P2RY14: variants seen among roughly 807,000 people sequenced by gnomAD.
The protein encoded by P2RY14 is P2Y purinoceptor 14.
Under a neutral mutation model 0.9 loss-of-function variants are expected in P2RY14, and 2 were observed. The observed-to-expected ratio is 2.16, with a 90% CI of 0.88 to 6.79. The LOEUF is 6.79. P2RY14 is among the 30% of genes most tolerant of loss of function. The pLI, the probability that P2RY14 is intolerant of heterozygous loss-of-function variation, is 0.05. For synonymous variants in P2RY14, 158 were observed against 147.2 expected, an observed-to-expected ratio of 1.07 and a Z score of -0.53; for missense variants, 378 against 400.1, an observed-to-expected ratio of 0.94 and a Z score of 0.47.
rs1728917700 is a variant in P2RY14, at chr3:151,219,576, T to C, written c.-66A>G. ...TGCATAATATGAGGTCTCTTTTCAG[T>C]GAAGGTGTTTTGCCCAGTGAGCGTT... On this transcript the variant is annotated 5_prime_UTR_variant, in exon 2 of 3. Coordinates refer to ENST00000309170, the MANE Select transcript of P2RY14 (RefSeq NM_014879.4). 1 of 152,186 alleles carries C rather than the reference T, an allele frequency of 6.6e-6. No individual in the cohort carries two copies. Among genetic ancestry groups the C allele is most frequent in the Non-Finnish European group, 1.5e-5 (1 of 68,030 alleles). The allele number at this position is 152,186 out of a possible 1,614,324, so 9.4% of individuals were successfully genotyped here.
intron 1 of P2RY14, among the ~76,000 whole-genome samples, chr3:151,236,707 T>G (rs1364715266): frequency 6.6e-6 from 1 of 152,262 alleles, no homozygotes; most frequent in African/African-American, 2.4e-5. Context: ...ATTTTAAAAC[T>G]GTATGTAATC....
At chr3:151,219,890 T>TCC (rs1728979537) in intron 1 of P2RY14, among the ~76,000 whole-genome samples, 4 of 35,112 alleles carry the variant, frequency 1.1e-4, no homozygotes, top group African/African-American at 1.2e-4. Context: ...TGGTTTATAT[T>TCC]ACCCCCCCCC....
intron 1 of P2RY14, among the ~76,000 whole-genome samples, chr3:151,263,772 A>G (rs1489120689): frequency 1.3e-5 from 2 of 150,636 alleles, no homozygotes; most frequent in Non-Finnish European, 3.0e-5. Context: ...CACCCCCCCC[A>G]CTTATCAGCT....
At chr3:151,256,018 C>G (rs186238345) in intron 1 of P2RY14, among the ~76,000 whole-genome samples, 98 of 152,288 alleles carry the variant, frequency 6.4e-4, no homozygotes, top group Middle Eastern at 3.4e-3. Flanking sequence ...CTATGACAGG[C>G]TAATTGTTCC....
intron 1 of P2RY14, among the ~76,000 whole-genome samples, chr3:151,245,300 G>C (rs1319628590): frequency 6.6e-6 from 1 of 151,872 alleles, no homozygotes; most frequent in East Asian, 1.9e-4. Context: ...ACCAAAGCTG[G>C]GCAGAGACAC....
At chr3:151,275,179 G>GT (rs1741637481) in intron 1 of P2RY14, among the ~76,000 whole-genome samples, 1 of 152,132 alleles carries the variant, frequency 6.6e-6, no homozygotes, top group Non-Finnish European at 1.5e-5. Context: ...AATTGCGTGT[G>GT]TATGATCCTG....
chr3:151,276,700 C>A (rs555738565), intron 1 of P2RY14, among the ~76,000 whole-genome samples: 1 of 152,298 alleles, frequency 6.6e-6, no homozygotes, highest in African/African-American at 2.4e-5. Flanking sequence ...CCGTGTTCTT[C>A]TTCTGTTCAG....
chr3:151,267,662 A>G (rs1326802179), intron 1 of P2RY14, among the ~76,000 whole-genome samples: 3 of 152,174 alleles, frequency 2.0e-5, no homozygotes, highest in Admixed American at 2.0e-4. Context: ...TGAGAGTAAT[A>G]TCTTGTAACA....
In P2RY14 at chr3:151,213,743, C is replaced by T. The variant is rs759701613; in HGVS notation, c.574G>A (p.Val192Met). 17 of 1,613,980 alleles carry T rather than the reference C, an allele frequency of 1.1e-5. 1 individual carries two copies. The highest frequency in any genetic ancestry group is 9.9e-5 in the South Asian group (9 of 91,078). The change falls in exon 3 of 3, where the codon GTG (valine) becomes ATG (methionine). Residue 192 changes from valine to methionine, a missense_variant. Val to Met is a conservative substitution (Grantham distance 21). Coordinates refer to ENST00000309170, the MANE Select transcript of P2RY14 (RefSeq NM_014879.4). ...KWHKASNYIFVAIFWIVFLLL... is the reference protein window; with the variant it reads ...KWHKASNYIFMAIFWIVFLLL... Reference sequence around the variant, plus strand: ...AGAAACACAATCCAGAAGATGGCCACGAAGATGTAGTTTGATGCTTTGTGC... The same window carrying T: ...AGAAACACAATCCAGAAGATGGCCATGAAGATGTAGTTTGATGCTTTGTGC...
chr3:151,269,136 G>A lies in P2RY14; in HGVS notation c.-133+9151C>T, dbSNP rs140223078. On this transcript the variant is annotated intron_variant, in intron 1 of 2. Transcript: ENST00000309170. ...GTACAAAAGGAAATACAGGCTGGGC[G>A]CGGTGGCTTATGCCTATACTCTGGG... 6.9e-3 allele frequency among the ~76,000 whole-genome samples: 1,045 copies of A among 152,206 alleles called. 8 individuals carry two copies. The highest frequency in any genetic ancestry group is 0.027 in the South Asian group (132 of 4,816).
intron 1 of P2RY14, among the ~76,000 whole-genome samples, chr3:151,253,544 C>T (rs999754049): frequency 5.3e-5 from 8 of 152,096 alleles, no homozygotes; most frequent in African/African-American, 1.7e-4. Flanking sequence ...GAATGGTTTT[C>T]CTCTCTCTGA....
Position 151,275,501 on chromosome 3 carries a change from A to G in P2RY14, c.-133+2786T>C, listed in dbSNP as rs187782433. 5.4e-4 allele frequency among the ~76,000 whole-genome samples: 83 copies of G among 152,318 alleles called. No individual in the cohort carries two copies. In the South Asian group the frequency reaches 8.9e-3, roughly 16 times the overall value. ...ATACCGAGTAAAGACAAAAATTTCA[A>G]AGGAATCTAATCAGATCTAAAAGCA... On this transcript the variant is annotated intron_variant, in intron 1 of 2. Transcript: ENST00000309170.
intron 1 of P2RY14, among the ~76,000 whole-genome samples, chr3:151,245,589 T>C (rs1288142810): frequency 6.6e-6 from 1 of 150,690 alleles, no homozygotes. Context: ...CTGAAAACTC[T>C]CAATAAATTA....
intron 1 of P2RY14, among the ~76,000 whole-genome samples, chr3:151,268,122 C>T (rs151287782): frequency 2.0e-5 from 3 of 152,070 alleles, no homozygotes; most frequent in Admixed American, 2.0e-4. Flanking sequence ...TTTATGTTTT[C>T]AGCTTACATG....
In P2RY14 at chr3:151,212,952, CTTT is replaced by C; in HGVS notation, c.*345_*347del. ...GAAAGAAGATGCCTGAGTGAGTTGTCTTTGATTATGTTGTGTTTTATTTACTAT... is the reference window on the plus strand; with the variant it reads ...GAAAGAAGATGCCTGAGTGAGTTGTCGATTATGTTGTGTTTTATTTACTAT... On this transcript the variant is annotated 3_prime_UTR_variant, in exon 3 of 3. Coordinates refer to ENST00000309170, the MANE Select transcript of P2RY14 (RefSeq NM_014879.4). 1 of 154,980 alleles carries C rather than the reference CTTT, an allele frequency of 6.5e-6. No homozygotes were observed. Among genetic ancestry groups the C allele is most frequent in the Admixed American group, 6.5e-5 (1 of 15,298 alleles). The allele number at this position is 154,980 out of a possible 1,614,324, so 9.6% of individuals were successfully genotyped here. A position where few individuals can be genotyped will look rare whatever the true frequency, so the allele number is the denominator to read the frequency against.
intron 1 of P2RY14, among the ~76,000 whole-genome samples, chr3:151,264,545 GT>G (rs1359988580): frequency 6.6e-6 from 1 of 152,188 alleles, no homozygotes; most frequent in Non-Finnish European, 1.5e-5. Context: ...AGTATGGAGA[GT>G]TTTCTCATTT....
chr3:151,276,067 A>G (rs1412568572), intron 1 of P2RY14, among the ~76,000 whole-genome samples: 1 of 152,222 alleles, frequency 6.6e-6, no homozygotes, highest in Non-Finnish European at 1.5e-5. Context: ...ACAATCAAGG[A>G]CACTTTTGAG....
intron 1 of P2RY14, among the ~76,000 whole-genome samples, chr3:151,230,294 C>T (rs899081955): frequency 3.9e-5 from 6 of 152,154 alleles, no homozygotes; most frequent in Non-Finnish European, 7.3e-5. Context: ...CTTGAATATG[C>T]GTGTCTGTTT....
intron 1 of P2RY14, among the ~76,000 whole-genome samples, chr3:151,236,024 A>G (rs1473454856): frequency 6.6e-6 from 1 of 152,142 alleles, no homozygotes; most frequent in Middle Eastern, 3.2e-3. Context: ...TTTTGCACCA[A>G]TCTAATATTT....
Sources: gnomAD v4.1 joint callset for allele counts (sites outside exome capture counted in the v4.1 genomes callset) on GRCh38, gnomAD v4.1.1 for gene constraint, MANE v1.5 for transcripts, NCBI Gene and HGNC (gene_info 2026-07-23, HGNC 2026-07-21) for gene names.